Variants in MTM1 observed in about 807,000 individuals in gnomAD.
MTM1 encodes the protein myotubularin.
Under a neutral mutation model 52.1 loss-of-function variants are expected in MTM1, and 9 were observed. The observed-to-expected ratio is 0.17, with a 90% CI of 0.10 to 0.30. The LOEUF (loss-of-function observed/expected upper bound fraction) is 0.30, where lower values mean the gene tolerates loss of function less well. Ranked by LOEUF, MTM1 falls within the 10% of genes least tolerant of loss-of-function variation. The pLI is 1.00. For synonymous variants in MTM1, 136 were observed against 163.8 expected, an observed-to-expected ratio of 0.83 and a Z score of 1.29; for missense variants, 277 against 470.7, an observed-to-expected ratio of 0.59 and a Z score of 3.81.
intron 14 of MTM1, 135 bp from the exon 15 acceptor site, chrX:150,671,293 G>C: frequency 2.8e-6 from 2 of 703,631 alleles, no homozygotes; most frequent in Non-Finnish European, 4.4e-6. Flanking sequence ...CAGTAGTTAA[G>C]GAAAGTATGT....
intron 4 of MTM1, among the ~76,000 whole-genome samples, chrX:150,600,482 AGCCC>A (rs1327231957): frequency 8.9e-6 from 1 of 112,047 alleles, no homozygotes; most frequent in African/African-American, 3.2e-5. Context: ...ATGTAACAAT[AGCCC>A]CATCTGAAGT....
intron 8 of MTM1, among the ~76,000 whole-genome samples, chrX:150,643,022 C>T (rs1557413882): frequency 9.1e-6 from 1 of 110,285 alleles, no homozygotes; most frequent in Non-Finnish European, 1.9e-5. Flanking sequence ...GACTAAGTTC[C>T]CCATCACCTC....
rs2040403514 is a variant in MTM1 at position 150,671,928 on chromosome X, T to C, written c.*333T>C. ...TTTTGTGGGCTTAATTGAAACAACA[T>C]TATTTTAAAATCAAAGGGGATATAT... On this transcript the variant is annotated 3_prime_UTR_variant, in exon 15 of 15. Coordinates refer to ENST00000370396, the MANE Select transcript of MTM1 (RefSeq NM_000252.3). 4.3e-6 allele frequency: 1 copy of C among 233,119 alleles called. No homozygotes were observed. The highest frequency in any genetic ancestry group is 7.6e-6 in the Non-Finnish European group (1 of 131,006). The allele number at this position is 233,119 out of a possible 1,213,427, so 19.2% of individuals were successfully genotyped here.
rs2039812246 is a variant in MTM1, at chrX:150,639,461, A to G, written c.528+435A>G. 2.7e-5 allele frequency among the ~76,000 whole-genome samples: 3 copies of G among 112,586 alleles called. No individual in the cohort carries two copies. The South Asian group carries it at 1.1e-3, about 41-fold the overall frequency. On this transcript the variant is annotated intron_variant, in intron 7 of 14. Transcript: ENST00000370396. ...CATTTCAGTTTGCAGATTCAAATGAATTAGAACTGTTTTCCTGTAGTGATG... is the reference window on the plus strand; with the variant it reads ...CATTTCAGTTTGCAGATTCAAATGAGTTAGAACTGTTTTCCTGTAGTGATG...
chrX:150,587,792 A>C (rs1005760621), intron 1 of MTM1, among the ~76,000 whole-genome samples: 4 of 111,741 alleles, frequency 3.6e-5, no homozygotes, highest in Non-Finnish European at 7.5e-5. Context: ...ATTGGGGGTG[A>C]CGCTCCCCCT....
intron 13 of MTM1, 144 bp from the exon 14 acceptor site, chrX:150,663,289 A>G (rs1200491533): frequency 3.2e-6 from 2 of 634,337 alleles, no homozygotes; most frequent in Non-Finnish European, 5.0e-6. Flanking sequence ...CTGGCCCATG[A>G]GGCTTTTTGA....
At chrX:150,663,375 G>A (rs2040254942) in intron 13 of MTM1, 58 bp from the exon 14 acceptor site, 7 of 1,163,902 alleles carry the variant, frequency 6.0e-6, no homozygotes, top group Non-Finnish European at 8.2e-6. Context: ...AAAATGGTTT[G>A]TGGATTTATG....
intron 14 of MTM1, among the ~76,000 whole-genome samples, chrX:150,665,876 T>G (rs1557414916): frequency 8.9e-6 from 1 of 111,837 alleles, no homozygotes. Context: ...CAAACCTGAG[T>G]AGGAATTTTG....
At chrX:150,587,894 T>C (rs1453133697) in intron 1 of MTM1, among the ~76,000 whole-genome samples, 1 of 111,778 alleles carries the variant, frequency 8.9e-6, no homozygotes, top group Non-Finnish European at 1.9e-5. Flanking sequence ...TCCTTTTATT[T>C]CTCCTTTATA....
intron 6 of MTM1, among the ~76,000 whole-genome samples, chrX:150,623,980 G>T (rs1166493999): frequency 9.0e-6 from 1 of 111,580 alleles, no homozygotes; most frequent in Non-Finnish European, 1.9e-5. Context: ...AGCAAGCTGG[G>T]TCCTGACTCC....
chrX:150,564,550 T>C (rs2148387133), upstream of MTM1, among the ~76,000 whole-genome samples: 1 of 110,713 alleles, frequency 9.0e-6, no homozygotes, highest in South Asian at 3.9e-4. Context: ...GGCTGGCTAT[T>C]TTTTGTATTT....
intron 3 of MTM1, among the ~76,000 whole-genome samples, chrX:150,598,145 A>G (rs1249877606): frequency 1.8e-5 from 2 of 112,392 alleles, no homozygotes; most frequent in Non-Finnish European, 3.8e-5. Flanking sequence ...TTTATTTATT[A>G]AAAACATGAT....
chrX:150,657,849 C>T lies in MTM1; in HGVS notation c.1082C>T (p.Ala361Val). 8.3e-7 allele frequency: 1 copy of T among 1,211,768 alleles called. No homozygotes were observed. The highest frequency in any genetic ancestry group is 1.1e-6 in the Non-Finnish European group (1 of 895,494). ...GTTTTGACAGGAGCCATTCAAGTAG[C>T]AGACAAAGTTTCTTCAGGGAAGAGT... is the stretch of plus-strand genomic sequence containing the variant. ...KLVLTGAIQV[A>V]DKVSSGKSSV... Residue 361 changes from alanine to valine, a missense_variant, in exon 11 of 15, where the codon GCA (alanine) becomes GTA (valine). Ala to Val is a moderately conservative substitution (Grantham distance 64). Transcript: ENST00000370396.
At position 150,573,648 on chromosome X, in the gene MTM1, A is replaced by G. The variant is rs151162487; in HGVS notation, c.-11+4986A>G. Among the ~76,000 whole-genome samples the G allele has an allele frequency of 5.6e-3, 624 of 111,977 alleles. 4 individuals carry two copies. The highest frequency in any genetic ancestry group is 0.019 in the African/African-American group (600 of 30,792). On this transcript the variant is annotated intron_variant, in intron 1 of 14. Coordinates refer to ENST00000370396, the MANE Select transcript of MTM1 (RefSeq NM_000252.3). ...TCCCCTTCTTGGGAGATGTAGAGGC[A>G]GAGGTGGGTTATAAGGTAGATTCTT... is the stretch of plus-strand genomic sequence containing the variant.
intron 1 of MTM1, among the ~76,000 whole-genome samples, chrX:150,569,833 C>G (rs1485766098): frequency 8.9e-6 from 1 of 112,335 alleles, no homozygotes; most frequent in African/African-American, 3.2e-5. Context: ...ACTTTGCAGA[C>G]ACGTTTGCCT....
intron 6 of MTM1, among the ~76,000 whole-genome samples, chrX:150,631,667 C>CAAAAAAAAAAA (rs34042424): frequency 2.0e-4 from 7 of 35,451 alleles, no homozygotes; most frequent in Admixed American, 9.8e-4. Context: ...ACTCCATCTC[C>CAAAAAAAAAAA]AAAAAAAAAA....
At chrX:150,592,230 A>G (rs2038897551) in intron 1 of MTM1, among the ~76,000 whole-genome samples, 1 of 112,113 alleles carries the variant, frequency 8.9e-6, no homozygotes, top group Non-Finnish European at 1.9e-5. Context: ...AATTATCTTT[A>G]AAAAATAAGG....
intron 1 of MTM1, among the ~76,000 whole-genome samples, chrX:150,579,517 A>T (rs1215254394): frequency 9.0e-6 from 1 of 111,001 alleles, no homozygotes; most frequent in African/African-American, 3.3e-5. Flanking sequence ...GTTTTTTGAG[A>T]CAGGGTCTTG....
intron 5 of MTM1, among the ~76,000 whole-genome samples, 161 bp from the exon 6 acceptor site, chrX:150,618,877 T>C (rs2039430883): frequency 9.0e-6 from 1 of 111,480 alleles, no homozygotes; most frequent in Admixed American, 9.5e-5. Context: ...TTAAGCCAGA[T>C]ATACCAAATT....
Sources: allele counts gnomAD v4.1 joint callset (sites outside exome capture counted in the v4.1 genomes callset), GRCh38; gene constraint gnomAD v4.1.1; transcripts MANE v1.5; gene names NCBI Gene and HGNC (gene_info 2026-07-23, HGNC 2026-07-21).